The following PTPRT variants were observed in gnomAD, a reference collection of about 807,000 sequenced individuals.
The protein encoded by PTPRT is receptor-type tyrosine-protein phosphatase T.
Under a neutral mutation model 176.8 loss-of-function variants are expected in PTPRT, and 56 were observed. That is an observed-to-expected ratio of 0.32 (90% CI 0.26 to 0.40). The LOEUF is 0.40. Among genes scored for constraint, PTPRT ranks in the 10% least tolerant of loss-of-function variants. PTPRT has a pLI of 1.00. For missense variants in PTPRT, 1,540 were observed against 1,908.2 expected (o/e 0.81, Z 3.60); for synonymous variants, 783 against 739.0 (o/e 1.06, Z -0.96).
intron 14 of PTPRT, among the ~76,000 whole-genome samples, chr20:42,238,701 G>A (rs889969789): frequency 6.6e-6 from 1 of 152,128 alleles, no homozygotes; most frequent in South Asian, 2.1e-4. Context: ...TGACATCTTG[G>A]GCAAGTAAGT....
chr20:42,620,293 C>A (rs903436568), intron 7 of PTPRT, among the ~76,000 whole-genome samples: 2 of 149,762 alleles, frequency 1.3e-5, no homozygotes, highest in African/African-American at 5.0e-5. Context: ...AGGCAGTCTG[C>A]CTATTCTGAG....
intron 3 of PTPRT, among the ~76,000 whole-genome samples, chr20:42,781,600 T>C (rs528331395): frequency 6.6e-6 from 1 of 152,288 alleles, no homozygotes; most frequent in Admixed American, 6.5e-5. Context: ...TCCTATTCTT[T>C]AAAAACTACC....
At chr20:42,095,451 G>C (rs1260353839) in intron 27 of PTPRT, among the ~76,000 whole-genome samples, 1 of 152,134 alleles carries the variant, frequency 6.6e-6, no homozygotes, top group African/African-American at 2.4e-5. Flanking sequence ...CTGCAGCCTG[G>C]GTGCAGGTGT....
chr20:42,978,813 T>C (rs551746621), intron 1 of PTPRT, among the ~76,000 whole-genome samples: 1 of 152,324 alleles, frequency 6.6e-6, no homozygotes, highest in East Asian at 1.9e-4. Context: ...GTCAGGAAGT[T>C]ACCCTATATG....
At chr20:42,730,146 T>C (rs1231950279) in intron 6 of PTPRT, among the ~76,000 whole-genome samples, 1 of 152,228 alleles carries the variant, frequency 6.6e-6, no homozygotes, top group Non-Finnish European at 1.5e-5. Flanking sequence ...CTACCCAACG[T>C]CATTCTTCTA....
chr20:42,791,092 TG>T, intron 3 of PTPRT, 102 bp downstream of exon 3: 1 of 1,390,390 alleles, frequency 7.2e-7, no homozygotes, highest in African/African-American at 1.4e-5. Context: ...TAAACACGAG[TG>T]AATAAATGAA....
chr20:42,564,745 C>T (rs181340918), intron 7 of PTPRT, among the ~76,000 whole-genome samples: 2 of 152,104 alleles, frequency 1.3e-5, no homozygotes, highest in South Asian at 2.1e-4. Context: ...TATCTCAGAA[C>T]TTAAAGCAAA....
chr20:42,686,682 C>T (rs527755379), intron 6 of PTPRT, among the ~76,000 whole-genome samples: 47 of 151,656 alleles, frequency 3.1e-4, no homozygotes, highest in African/African-American at 9.2e-4. Flanking sequence ...TTGGTAGAGA[C>T]GGGGTTTCAC....
At chr20:42,564,458 C>T (rs544903582) in intron 7 of PTPRT, among the ~76,000 whole-genome samples, 1 of 152,180 alleles carries the variant, frequency 6.6e-6, no homozygotes, top group South Asian at 2.1e-4. Flanking sequence ...CAGTAAAATA[C>T]CAGCAAACTA....
rs556610846 is a variant in PTPRT at position 42,237,861 on chromosome 20, G to C, written c.2313-1603C>G. ...AATTCAGGTCTCCAAATATCCATCT[G>C]AGTAGACAAGAATGGTTTCCTTTTT... On this transcript the variant is annotated intron_variant, in intron 14 of 30. Coordinates refer to ENST00000373187, the MANE Select transcript of PTPRT (RefSeq NM_007050.6). Among the ~76,000 whole-genome samples the C allele has an allele frequency of 5.3e-5, 8 of 152,298 alleles. No individual in the cohort carries two copies. The South Asian group carries it at 1.7e-3, about 32-fold the overall frequency.
intron 13 of PTPRT, among the ~76,000 whole-genome samples, chr20:42,278,895 T>C (rs1568733792): frequency 6.6e-6 from 1 of 152,174 alleles, no homozygotes; most frequent in Non-Finnish European, 1.5e-5. Flanking sequence ...CTTAAGCACC[T>C]GTGGCTGACA....
chr20:42,947,737 C>T (rs1301870335), intron 1 of PTPRT, among the ~76,000 whole-genome samples: 1 of 152,150 alleles, frequency 6.6e-6, no homozygotes, highest in Non-Finnish European at 1.5e-5. Flanking sequence ...TTTGTCCACC[C>T]TCATACCTTT....
At chr20:43,102,562 C>T (rs3092130) in intron 1 of PTPRT, among the ~76,000 whole-genome samples, 73,316 of 152,048 alleles carry the variant, frequency 0.48, 18,443 homozygotes, top group African/African-American at 0.63. Context: ...CAAAGCCTAG[C>T]GCCTGCAGAA....
intron 7 of PTPRT, among the ~76,000 whole-genome samples, chr20:42,555,594 C>T (rs1039149057): frequency 2.0e-5 from 3 of 152,092 alleles, no homozygotes; most frequent in African/African-American, 4.8e-5. Flanking sequence ...ACTATGCATC[C>T]CGGCATCCCG....
intron 7 of PTPRT, among the ~76,000 whole-genome samples, chr20:42,627,124 T>G (rs1431393489): frequency 6.6e-6 from 1 of 152,124 alleles, no homozygotes; most frequent in Non-Finnish European, 1.5e-5. Context: ...AAAGTGTGAG[T>G]TTCAGATTTT....
intron 15 of PTPRT, among the ~76,000 whole-genome samples, chr20:42,208,166 C>T (rs1199643013): frequency 2.5e-5 from 3 of 118,646 alleles, no homozygotes; most frequent in Admixed American, 8.5e-5. Flanking sequence ...AAGGAGCAAC[C>T]GGTACCAGCT....
chr20:42,328,555 G>T (rs1044582445), intron 11 of PTPRT, among the ~76,000 whole-genome samples: 1 of 152,010 alleles, frequency 6.6e-6, no homozygotes, highest in Non-Finnish European at 1.5e-5. Flanking sequence ...AAAAAGAAAA[G>T]TACGATCATA....
intron 22 of PTPRT, among the ~76,000 whole-genome samples, chr20:42,113,596 C>T (rs1473209225): frequency 6.6e-6 from 1 of 152,236 alleles, no homozygotes; most frequent in African/African-American, 2.4e-5. Flanking sequence ...GGACAACTCA[C>T]TCTGTGGCAT....
chr20:42,787,470 TG>T (rs879410129), intron 3 of PTPRT, among the ~76,000 whole-genome samples: 1 of 152,172 alleles, frequency 6.6e-6, no homozygotes, highest in Non-Finnish European at 1.5e-5. Flanking sequence ...AACTCCCACG[TG>T]GGTAACTGTG....
Sources: gnomAD v4.1 joint callset for allele counts (sites outside exome capture counted in the v4.1 genomes callset) on GRCh38, gnomAD v4.1.1 for gene constraint, MANE v1.5 for transcripts, NCBI Gene and HGNC (gene_info 2026-07-23, HGNC 2026-07-21) for gene names.